The following SHISA6 variants were observed in gnomAD, a reference collection of about 807,000 sequenced individuals.
SHISA6 encodes the protein protein shisa-6.
In SHISA6, 22 loss-of-function variants were observed where a neutral mutation model predicts 47.9. The observed-to-expected ratio is 0.46, with a 90% CI of 0.33 to 0.66. The LOEUF (loss-of-function observed/expected upper bound fraction) is 0.66. Among genes scored for constraint, SHISA6 ranks in the 30% least tolerant of loss-of-function variants. The pLI is 0.02. For missense variants in SHISA6, 680 were observed against 764.6 expected (o/e 0.89, Z 1.30); for synonymous variants, 388 against 337.8 (o/e 1.15, Z -1.63).
At chr17:11,518,597 C>G (rs915408743) in intron 3 of SHISA6, among the ~76,000 whole-genome samples, 1 of 152,092 alleles carries the variant, frequency 6.6e-6, no homozygotes, top group African/African-American at 2.4e-5. Flanking sequence ...TTGTTTTTCT[C>G]TAACATGTTT....
intron 2 of SHISA6, among the ~76,000 whole-genome samples, chr17:11,358,288 G>A (rs1417555823): frequency 1.3e-5 from 2 of 152,008 alleles, no homozygotes; most frequent in African/African-American, 4.8e-5. Flanking sequence ...GAGCCATACA[G>A]TATTTGTCTT....
In SHISA6 at chr17:11,397,863, T is replaced by C. The variant is rs377230312; in HGVS notation, c.895+18354T>C. ...TGGTGGGCTTTTTTCATACGTACCT[T>C]AGTGTCATATCCAAGGGAGATTAGA... is the stretch of plus-strand genomic sequence containing the variant. On this transcript the variant is annotated intron_variant, in intron 3 of 5. Coordinates refer to ENST00000441885, the MANE Select transcript of SHISA6 (RefSeq NM_207386.4). 3.9e-5 allele frequency among the ~76,000 whole-genome samples: 6 copies of C among 152,264 alleles called. No individual in the cohort carries two copies. In the South Asian group the frequency reaches 1.0e-3, roughly 26 times the overall value.
At chr17:11,554,177 G>A (rs2071954779) in intron 4 of SHISA6, among the ~76,000 whole-genome samples, 1 of 152,180 alleles carries the variant, frequency 6.6e-6, no homozygotes, top group Admixed American at 6.5e-5. Context: ...AGAGATGAGT[G>A]GCTATTACTC....
intron 5 of SHISA6, 26 bp downstream of exon 5, chr17:11,555,918 G>T (rs1462903016): frequency 6.7e-7 from 1 of 1,503,612 alleles, no homozygotes. Context: ...CCCAAGTTGG[G>T]GTCTGTCTCT....
At chr17:11,465,721 C>G (rs763384128) in intron 3 of SHISA6, among the ~76,000 whole-genome samples, 1 of 152,186 alleles carries the variant, frequency 6.6e-6, no homozygotes, top group Non-Finnish European at 1.5e-5. Flanking sequence ...CTTTGTGGTG[C>G]AGCAGTGGGG....
intron 3 of SHISA6, among the ~76,000 whole-genome samples, chr17:11,463,951 C>A (rs149632820): frequency 6.6e-6 from 1 of 152,152 alleles, no homozygotes; most frequent in African/African-American, 2.4e-5. Flanking sequence ...GGGTCTTGTT[C>A]TGTCACCCAG....
At chr17:11,508,883 G>A (rs1162691073) in intron 3 of SHISA6, among the ~76,000 whole-genome samples, 1 of 123,482 alleles carries the variant, frequency 8.1e-6, no homozygotes, top group Admixed American at 8.0e-5. Context: ...TAAGACAGAT[G>A]CAAGTTGTGA....
chr17:11,349,580 G>T (rs1278187014), intron 2 of SHISA6, among the ~76,000 whole-genome samples: 1 of 152,208 alleles, frequency 6.6e-6, no homozygotes, highest in African/African-American at 2.4e-5. Flanking sequence ...TCCTTGGGCT[G>T]TGAGTTCTGT....
chr17:11,336,627 A>AT (rs1192264484), intron 2 of SHISA6, among the ~76,000 whole-genome samples: 3 of 152,180 alleles, frequency 2.0e-5, no homozygotes, highest in Middle Eastern at 3.2e-3. Flanking sequence ...GGAAGAAGTC[A>AT]TAGTGCTCCC....
intron 3 of SHISA6, among the ~76,000 whole-genome samples, chr17:11,383,614 C>A (rs960440012): frequency 7.2e-5 from 11 of 152,118 alleles, no homozygotes; most frequent in East Asian, 1.9e-4. Flanking sequence ...GCTTCCCAGG[C>A]ACTAGAATTA....
intron 2 of SHISA6, among the ~76,000 whole-genome samples, chr17:11,365,061 T>A (rs537523281): frequency 5.3e-5 from 8 of 152,276 alleles, no homozygotes; most frequent in African/African-American, 1.9e-4. Context: ...ACAAAGGATA[T>A]TCTTGACCAC....
chr17:11,286,276 G>T (rs1280311212), intron 2 of SHISA6, among the ~76,000 whole-genome samples: 1 of 152,146 alleles, frequency 6.6e-6, no homozygotes, highest in Non-Finnish European at 1.5e-5. Flanking sequence ...GAAGATTCAG[G>T]AACAGATTCA....
rs1305952107 is a variant in SHISA6, at chr17:11,445,564, A to G, written c.895+66055A>G. Among the ~76,000 whole-genome samples the G allele has an allele frequency of 2.0e-5, 3 of 152,364 alleles. No individual in the cohort carries two copies. The East Asian group carries it at 5.8e-4, about 29-fold the overall frequency. On this transcript the variant is annotated intron_variant, in intron 3 of 5. Coordinates refer to ENST00000441885, the MANE Select transcript of SHISA6 (RefSeq NM_207386.4). The stretch of plus-strand genomic sequence containing the variant: ...CTTGTGTATGGTTTTGCTGTAGGCC[A>G]TGAGACAATTATTCTCTATAAAATC...
At chr17:11,491,648 A>C (rs577850930) in intron 3 of SHISA6, among the ~76,000 whole-genome samples, 7 of 152,092 alleles carry the variant, frequency 4.6e-5, no homozygotes, top group African/African-American at 1.7e-4. Flanking sequence ...ACTATGGAGG[A>C]GTAATGGACA....
At chr17:11,307,061 T>G (rs1910136875) in intron 2 of SHISA6, among the ~76,000 whole-genome samples, 1 of 152,172 alleles carries the variant, frequency 6.6e-6, no homozygotes, top group Non-Finnish European at 1.5e-5. Flanking sequence ...GTGGAAAAAT[T>G]TTATTTCTTC....
At chr17:11,316,715 C>T (rs141644145) in intron 2 of SHISA6, among the ~76,000 whole-genome samples, 45 of 152,148 alleles carry the variant, frequency 3.0e-4, no homozygotes, top group African/African-American at 8.9e-4. Context: ...CTACCACGCC[C>T]GGCCCATCCT....
intron 2 of SHISA6, among the ~76,000 whole-genome samples, chr17:11,363,790 G>T (rs1436481071): frequency 2.0e-5 from 3 of 152,174 alleles, no homozygotes; most frequent in Non-Finnish European, 4.4e-5. Flanking sequence ...GACAACACCC[G>T]GAGGTTACTG....
intron 3 of SHISA6, among the ~76,000 whole-genome samples, chr17:11,389,188 C>G (rs1913305600): frequency 6.6e-6 from 1 of 152,118 alleles, no homozygotes; most frequent in Non-Finnish European, 1.5e-5. Context: ...GAGACTCACT[C>G]ATATCCCTGT....
At chr17:11,304,788 G>C (rs889863283) in intron 2 of SHISA6, among the ~76,000 whole-genome samples, 1 of 150,916 alleles carries the variant, frequency 6.6e-6, no homozygotes, top group African/African-American at 2.4e-5. Flanking sequence ...AGACTTGCCA[G>C]AACTGTTCCC....
Sources: gnomAD v4.1 joint callset for allele counts (sites outside exome capture counted in the v4.1 genomes callset) on GRCh38, gnomAD v4.1.1 for gene constraint, MANE v1.5 for transcripts, NCBI Gene and HGNC (gene_info 2026-07-23, HGNC 2026-07-21) for gene names.